Variants in BAIAP2 observed in about 807,000 individuals in gnomAD.
BAIAP2 encodes BAR/IMD domain containing adaptor protein 2, also known as BAR/IMD domain-containing adapter protein 2.
BAIAP2 carries 18 observed loss-of-function variants against 63.0 expected under a neutral mutation model. The ratio of observed to expected loss-of-function variants is 0.29; its 90% confidence interval spans 0.20 to 0.42. The LOEUF (loss-of-function observed/expected upper bound fraction) is 0.42, where lower values mean the gene tolerates loss of function less well. Ranked by LOEUF, BAIAP2 falls within the 10% of genes least tolerant of loss-of-function variation. The pLI, the probability that BAIAP2 is intolerant of heterozygous loss-of-function variation, is 1.00. For missense variants in BAIAP2, 610 were observed against 734.3 expected, an observed-to-expected ratio of 0.83 and a Z score of 1.96; for synonymous variants, 386 against 307.6, an observed-to-expected ratio of 1.25 and a Z score of -2.67.
intron 7 of BAIAP2, among the ~76,000 whole-genome samples, chr17:81,102,313 C>T (rs530696135): frequency 4.6e-5 from 7 of 152,300 alleles, no homozygotes; most frequent in East Asian, 3.9e-4. Context: ...CGTGCCGCTG[C>T]GAGGTCGGTG....
chr17:81,108,839 G>T, intron 13 of BAIAP2: 2 of 1,387,764 alleles, frequency 1.4e-6, no homozygotes, highest in Non-Finnish European at 9.6e-7. Context: ...CCTTGTCCTG[G>T]GTCTTCCTGG....
At chr17:81,094,278 G>A (rs979107208) in intron 6 of BAIAP2, among the ~76,000 whole-genome samples, 1 of 152,170 alleles carries the variant, frequency 6.6e-6, no homozygotes, top group Non-Finnish European at 1.5e-5. Context: ...GGACAGAAGC[G>A]ACCTGCTGTC....
At chr17:81,109,067 C>T in intron 13 of BAIAP2, 4 of 1,507,990 alleles carry the variant, frequency 2.7e-6, no homozygotes, top group South Asian at 1.2e-5. Context: ...CGTCCGTTTT[C>T]CTCCTCAGCT....
chr17:81,101,285 C>T (rs931603946), intron 7 of BAIAP2, among the ~76,000 whole-genome samples: 1 of 152,120 alleles, frequency 6.6e-6, no homozygotes, highest in African/African-American at 2.4e-5. Context: ...CAGCAGCCCC[C>T]TCCATGGATA....
chr17:81,086,325 C>A, intron 5 of BAIAP2, 118 bp from the exon 6 acceptor site: 1 of 1,244,816 alleles, frequency 8.0e-7, no homozygotes, highest in Non-Finnish European at 1.1e-6. Context: ...AAGGGAGTGG[C>A]AGGGCTGGCA....
At chr17:81,110,897 C>T (rs373033158) in intron 13 of BAIAP2, 4 of 1,613,848 alleles carry the variant, frequency 2.5e-6, no homozygotes, top group South Asian at 1.1e-5. Flanking sequence ...CCAACTGAGC[C>T]TTGTGTTTCC....
At chr17:81,056,943 T>TCTG (rs2049685567) in intron 2 of BAIAP2, among the ~76,000 whole-genome samples, 36 of 48,566 alleles carry the variant, frequency 7.4e-4, no homozygotes, top group East Asian at 3.8e-3. Context: ...GCGTTTTTCT[T>TCTG]TTGTTCGAGG....
chr17:81,110,467 G>A, intron 13 of BAIAP2: 1 of 1,006,134 alleles, frequency 9.9e-7, no homozygotes, highest in Non-Finnish European at 1.2e-6. Context: ...TCTGAATTGT[G>A]CCCTGTACTG....
chr17:81,058,046 C>G (rs374627210), intron 3 of BAIAP2, 79 bp downstream of exon 3: 5 of 1,150,196 alleles, frequency 4.3e-6, no homozygotes, highest in Admixed American at 5.2e-5. Flanking sequence ...TGTGTCCAGC[C>G]GCTTTTTGAT....
chr17:81,110,315 C>T (rs151313295), intron 13 of BAIAP2: 180 of 986,274 alleles, frequency 1.8e-4, no homozygotes, highest in Admixed American at 3.1e-4. Context: ...TCCGCGCCGG[C>T]GTTCCCGCTC....
At position 81,114,475 on chromosome 17, in the gene BAIAP2, G is replaced by T. The variant is rs117765426; in HGVS notation, c.1536-1295G>T. Among the ~76,000 whole-genome samples the T allele has an allele frequency of 9.2e-3, 1,395 of 152,206 alleles. 4 individuals carry two copies. The highest frequency in any genetic ancestry group is 0.02 in the Middle Eastern group (6 of 294). On this transcript the variant is annotated intron_variant, in intron 13 of 13. Transcript: ENST00000428708. ...GCCCCAGGAAGGGCAAAGCTGCACCGATCAAAGCTGAAAAAAGCCGGGGAT... is the reference window on the plus strand; with the variant it reads ...GCCCCAGGAAGGGCAAAGCTGCACCTATCAAAGCTGAAAAAAGCCGGGGAT...
intron 3 of BAIAP2, among the ~76,000 whole-genome samples, chr17:81,060,125 A>G (rs950935446): frequency 1.3e-5 from 2 of 152,200 alleles, no homozygotes; most frequent in African/African-American, 4.8e-5. Context: ...GCAGAGGGCC[A>G]GCCACATGTC....
intron 2 of BAIAP2, among the ~76,000 whole-genome samples, chr17:81,055,730 T>G (rs938671574): frequency 6.6e-6 from 1 of 151,664 alleles, no homozygotes; most frequent in Admixed American, 6.6e-5. Context: ...CACGCCCGGC[T>G]AATTTTTTGT....
chr17:81,057,973 A>AGGGGGGGCCCCCC lies in BAIAP2; in HGVS notation c.217+6_217+7insGGGGGGGCCCCCC. ...CCAGGGCTCCAAAGAACTCGGTGAG[A>AGGGGGGGCCCCCC]CCCCCCCCCCCCCCCCGCCTGGTAG... On this transcript the variant is annotated splice_region_variant and intron_variant, in intron 3 of 13. Transcript: ENST00000428708. 1 of 764,944 alleles carries AGGGGGGGCCCCCC rather than the reference A, an allele frequency of 1.3e-6. No individual in the cohort carries two copies. The highest frequency in any genetic ancestry group is 1.7e-6 in the Non-Finnish European group (1 of 586,534). The allele number at this position is 764,944 out of a possible 1,614,324, so 47.4% of individuals were successfully genotyped here.
At chr17:81,100,955 C>T (rs772661858) in intron 7 of BAIAP2, among the ~76,000 whole-genome samples, 9 of 152,152 alleles carry the variant, frequency 5.9e-5, no homozygotes, top group East Asian at 5.8e-4. Context: ...CTGCTGCCCT[C>T]GTGACCTCTG....
At chr17:81,055,523 A>T (rs2144199729) in intron 2 of BAIAP2, among the ~76,000 whole-genome samples, 1 of 149,810 alleles carries the variant, frequency 6.7e-6, no homozygotes, top group Middle Eastern at 3.5e-3. Flanking sequence ...TGCTCATCAA[A>T]ATTGTCTTAA....
intron 3 of BAIAP2, among the ~76,000 whole-genome samples, chr17:81,059,525 G>T (rs1037718002): frequency 1.3e-5 from 2 of 152,216 alleles, no homozygotes; most frequent in Admixed American, 1.3e-4. Context: ...GCTCACTGTG[G>T]CCTTGAACTC....
Position 81,116,002 on chromosome 17 carries a change from G to A in BAIAP2, c.*163G>A. The A allele has an allele frequency of 6.8e-7, 1 of 1,468,692 alleles. No homozygotes were observed. The highest frequency in any genetic ancestry group is 1.4e-5 in the South Asian group (1 of 73,838). The allele number at this position is 1,468,692 out of a possible 1,614,324, so 91.0% of individuals were successfully genotyped here. On this transcript the variant is annotated 3_prime_UTR_variant, in exon 14 of 14. Transcript: ENST00000428708. The stretch of plus-strand genomic sequence containing the variant: ...CTGGACTGGATCCCAGCTGTTCTAG[G>A]CAGGGCCGGGCAGAGTGGGGCGCAG...
At chr17:81,106,958 C>A (rs1598817861) in intron 12 of BAIAP2, 51 bp downstream of exon 12, 1 of 1,461,650 alleles carries the variant, frequency 6.8e-7, no homozygotes, top group Non-Finnish European at 9.0e-7. Context: ...GAACAGTGGG[C>A]TCAGCCTGCA....
Sources: allele counts gnomAD v4.1 joint callset (sites outside exome capture counted in the v4.1 genomes callset), GRCh38; gene constraint gnomAD v4.1.1; transcripts MANE v1.5; gene names NCBI Gene and HGNC (gene_info 2026-07-23, HGNC 2026-07-21).